The following PCDHGA6 variants were observed in gnomAD, a reference collection of about 807,000 sequenced individuals.
PCDHGA6 encodes the protein protocadherin gamma-A6.
A neutral mutation model predicts 60.6 loss-of-function variants in PCDHGA6; 41 were observed. The ratio of observed to expected loss-of-function variants is 0.68; its 90% CI spans 0.53 to 0.88. PCDHGA6 has a LOEUF of 0.88. PCDHGA6 is among the 40% of genes least tolerant of loss of function. PCDHGA6 has a pLI of 0.00. For missense variants in PCDHGA6, 1,312 were observed against 1,203.0 expected, an observed-to-expected ratio of 1.09 and a Z score of -1.34; for synonymous variants, 594 against 524.4, an observed-to-expected ratio of 1.13 and a Z score of -1.81.
intron 1 of PCDHGA6, among the ~76,000 whole-genome samples, chr5:141,446,120 T>C (rs2098489182): frequency 6.6e-6 from 1 of 152,196 alleles, no homozygotes; most frequent in Admixed American, 6.5e-5. Flanking sequence ...AGGAAATGGG[T>C]TCAATAAGAC....
chr5:141,418,007 C>G (rs1561770675), intron 1 of PCDHGA6: 1 of 1,613,904 alleles, frequency 6.2e-7, no homozygotes, highest in Non-Finnish European at 8.5e-7. Flanking sequence ...GGTGGGGAAC[C>G]TCGCTAAGGA....
chr5:141,393,156 A>G (rs1028021318), intron 1 of PCDHGA6: 7 of 1,613,310 alleles, frequency 4.3e-6, no homozygotes, highest in African/African-American at 1.3e-5. Context: ...GGATAAAGGA[A>G]AACTCTTTGG....
At chr5:141,415,476 G>C in intron 1 of PCDHGA6, 1 of 1,614,194 alleles carries the variant, frequency 6.2e-7, no homozygotes, top group Non-Finnish European at 8.5e-7. Context: ...CCGCGGACTC[G>C]CGAAAGAGTC....
chr5:141,394,818 C>T lies in PCDHGA6; in HGVS notation c.2424+18311C>T, dbSNP rs2093105005. On this transcript the variant is annotated intron_variant, in intron 1 of 3. Coordinates refer to ENST00000517434, the MANE Select transcript of PCDHGA6 (RefSeq NM_018919.3). Reference sequence around the variant, plus strand: ...CACCGTAGCCGTGGCTGACAGCATCCCCGAAGTCCTGACCGAGTTGGGCAG... The same window carrying T: ...CACCGTAGCCGTGGCTGACAGCATCTCCGAAGTCCTGACCGAGTTGGGCAG... The T allele has an allele frequency of 5.6e-6, 9 of 1,613,904 alleles. No individual in the cohort carries two copies. Among genetic ancestry groups the T allele is most frequent in the Non-Finnish European group, 7.6e-6 (9 of 1,180,012 alleles).
In PCDHGA6 at chr5:141,375,919, C is replaced by A. The variant is rs746123042; in HGVS notation, c.1836C>A (p.Ser612Arg). Reference sequence around the variant, plus strand: ...TGTCCTACCGCCTGCTCAAGGCCAGCGAGCCAGGACTTTTCTCAGTGGGCC... The same window carrying A: ...TGTCCTACCGCCTGCTCAAGGCCAGAGAGCCAGGACTTTTCTCAGTGGGCC... The part of the protein sequence containing the change: ...AWLSYRLLKA[S>R]EPGLFSVGLH... The change falls in exon 1 of 4, where the codon AGC becomes AGA. Residue 612 changes from serine to arginine, a missense_variant. Ser to Arg is a moderately radical substitution (Grantham distance 110, BLOSUM62 -1). Coordinates refer to ENST00000517434, the MANE Select transcript of PCDHGA6 (RefSeq NM_018919.3). 2.5e-5 allele frequency: 40 copies of A among 1,613,612 alleles called. No homozygotes were observed. In the Middle Eastern group the frequency reaches 8.4e-4, roughly 34 times the overall value.
chr5:141,428,116 A>G, intron 1 of PCDHGA6: 1 of 1,607,216 alleles, frequency 6.2e-7, no homozygotes, highest in Non-Finnish European at 8.5e-7. Flanking sequence ...CAGGCCATCG[A>G]GCCCGGGCTT....
At position 141,486,891 on chromosome 5, in the gene PCDHGA6, G is replaced by A. The variant is rs201201426; in HGVS notation, c.2425-7916G>A. 38 of 1,614,118 alleles carry A rather than the reference G, an allele frequency of 2.4e-5. No individual in the cohort carries two copies. The highest frequency in any genetic ancestry group is 3.1e-5 in the Non-Finnish European group (37 of 1,180,064). Reference sequence around the variant, plus strand: ...GTGCTCCGTCCTCGGGCCCGGCCTGGTTCCTTATGTCCCCAAGCACTGCCT... The same window carrying A: ...GTGCTCCGTCCTCGGGCCCGGCCTGATTCCTTATGTCCCCAAGCACTGCCT... On this transcript the variant is annotated intron_variant, in intron 1 of 3. Coordinates refer to ENST00000517434, the MANE Select transcript of PCDHGA6 (RefSeq NM_018919.3). This position sits in a 1 kb window ranked among gnomAD's most constrained non-coding sequence, Gnocchi z 5.0.
intron 1 of PCDHGA6, among the ~76,000 whole-genome samples, chr5:141,380,299 C>T (rs1776363020): frequency 6.6e-6 from 1 of 152,092 alleles, no homozygotes; most frequent in Non-Finnish European, 1.5e-5. Context: ...ATACCTATAT[C>T]TTTGCTTGAG....
intron 1 of PCDHGA6, among the ~76,000 whole-genome samples, chr5:141,407,771 A>G (rs1414886829): frequency 6.6e-6 from 1 of 152,246 alleles, no homozygotes; most frequent in East Asian, 1.9e-4. Context: ...GAAATTGTGC[A>G]TAATAGATTT....
At chr5:141,421,977 G>A in intron 1 of PCDHGA6, 1 of 1,609,542 alleles carries the variant, frequency 6.2e-7, no homozygotes, top group Admixed American at 1.7e-5. Context: ...TATATCGCGT[G>A]AGTGTTCCAG....
chr5:141,394,724 G>C (rs2093074353), intron 1 of PCDHGA6: 2 of 1,613,380 alleles, frequency 1.2e-6, no homozygotes, highest in Non-Finnish European at 1.7e-6. Context: ...ACAGAGATGC[G>C]CTCAAGCAGA....
rs563145930 is a variant in PCDHGA6 at position 141,392,984 on chromosome 5, GA to G, written c.2424+16479del. 408 of 1,613,914 alleles carry G rather than the reference GA, an allele frequency of 2.5e-4. 2 individuals carry two copies. In the African/African-American group the frequency reaches 4.6e-3, roughly 18 times the overall value. On this transcript the variant is annotated intron_variant, in intron 1 of 3. Transcript: ENST00000517434. The stretch of plus-strand genomic sequence containing the variant: ...CCAAGGACCTGGGGCTGGACCCCCG[GA>G]AGCTGGCGAAGCACGGAGTCCGTAT...
intron 1 of PCDHGA6, among the ~76,000 whole-genome samples, chr5:141,434,479 A>C (rs2097696849): frequency 6.6e-6 from 1 of 152,202 alleles, no homozygotes; most frequent in African/African-American, 2.4e-5. Flanking sequence ...AGGGCAAGGA[A>C]CACCTGGCCC....
chr5:141,502,098 G>T (rs1341016516), intron 2 of PCDHGA6, among the ~76,000 whole-genome samples: 2 of 152,108 alleles, frequency 1.3e-5, no homozygotes, highest in Non-Finnish European at 2.9e-5. Flanking sequence ...ACCTGGCCTT[G>T]ACCCTGCACC....
At chr5:141,422,587 C>G in intron 1 of PCDHGA6, 2 of 1,614,032 alleles carry the variant, frequency 1.2e-6, no homozygotes, top group Non-Finnish European at 1.7e-6. Flanking sequence ...TCCCGTTTTT[C>G]CTCACTCCTC....
intron 1 of PCDHGA6, chr5:141,404,202 AAT>A: frequency 6.2e-7 from 1 of 1,613,738 alleles, no homozygotes; most frequent in Non-Finnish European, 8.5e-7. Context: ...AAAGCCTCAG[AAT>A]ATAATATCAC....
At chr5:141,386,979 T>C (rs2090768348) in intron 1 of PCDHGA6, among the ~76,000 whole-genome samples, 1 of 152,202 alleles carries the variant, frequency 6.6e-6, no homozygotes, top group South Asian at 2.1e-4. Flanking sequence ...ACTTTGTGTT[T>C]TGAGGCTATG....
chr5:141,398,472 C>T (rs2093659150), intron 1 of PCDHGA6: 1 of 1,606,348 alleles, frequency 6.2e-7, no homozygotes, highest in Non-Finnish European at 8.5e-7. Context: ...ATCCACTGAA[C>T]TTTTATCACG....
In PCDHGA6 at chr5:141,485,556, A is replaced by T; in HGVS notation, c.2425-9251A>T. On this transcript the variant is annotated intron_variant, in intron 1 of 3. Coordinates refer to ENST00000517434, the MANE Select transcript of PCDHGA6 (RefSeq NM_018919.3). This position sits in a 1 kb window ranked among gnomAD's most constrained non-coding sequence, Gnocchi z 5.7. ...GAGGTAGAGATCGTAGATGTGAATG[A>T]TCACGCCCCCCGTTTTCCGCGGCAG... is the stretch of plus-strand genomic sequence containing the variant. The T allele has an allele frequency of 6.2e-7, 1 of 1,613,664 alleles. No homozygotes were observed. Among genetic ancestry groups the T allele is most frequent in the Non-Finnish European group, 8.5e-7 (1 of 1,179,644 alleles).
Sources: allele counts gnomAD v4.1 joint callset (sites outside exome capture counted in the v4.1 genomes callset), GRCh38; gene constraint gnomAD v4.1.1; non-coding constraint Gnocchi (gnomAD v3.1); transcripts MANE v1.5; gene names NCBI Gene and HGNC (gene_info 2026-07-23, HGNC 2026-07-21).